PIEZO1: variants seen among roughly 807,000 people sequenced by gnomAD.
PIEZO1 encodes piezo type mechanosensitive ion channel component 1 (Er blood group).
A neutral mutation model predicts 297.2 loss-of-function variants in PIEZO1; 296 were observed. The ratio of observed to expected loss-of-function variants is 1.00; its 90% confidence interval spans 0.91 to 1.10. The LOEUF is 1.10. Among genes scored for constraint, PIEZO1 ranks in the 50% least tolerant of loss-of-function variants. The pLI, the probability that PIEZO1 is intolerant of heterozygous loss-of-function variation, is 0.00. For missense variants in PIEZO1, 5,018 were observed against 3,455.5 expected (o/e 1.45, Z -11.34); for synonymous variants, 2,427 against 1,507.5 (o/e 1.61, Z -14.13).
chr16:88,731,612 A>T, intron 22 of PIEZO1, 94 bp downstream of exon 22: 1 of 919,204 alleles, frequency 1.1e-6, no homozygotes, highest in Non-Finnish European at 1.7e-6. Flanking sequence ...TAAGTCTAGG[A>T]GGGTGGACAG....
In PIEZO1 at chr16:88,732,423, G is replaced by A. The variant is rs1415313255; in HGVS notation, c.2903C>T (p.Ala968Val). ...LAPLPAQAVF[A>V]SGTRQQLDQD... The stretch of plus-strand genomic sequence containing the variant: ...GTCCAGCTGCTGGCGGGTGCCGCTG[G>A]CAAACACGGCCTGGGCAGGCAGCGG... Residue 968 changes from alanine to valine, a missense_variant, in exon 21 of 51, where the codon GCC becomes GTC. Physicochemically the swap from Ala to Val is moderately conservative, Grantham distance 64. Coordinates refer to ENST00000301015, the MANE Select transcript of PIEZO1 (RefSeq NM_001142864.4). 6.5e-7 allele frequency: 1 copy of A among 1,549,756 alleles called. No homozygotes were observed. Among genetic ancestry groups the A allele is most frequent in the Non-Finnish European group, 8.7e-7 (1 of 1,146,548 alleles).
chr16:88,757,212 G>A (rs1198487747), intron 1 of PIEZO1, among the ~76,000 whole-genome samples: 3 of 151,964 alleles, frequency 2.0e-5, no homozygotes, highest in Admixed American at 6.6e-5. Context: ...CCTCGGAGCC[G>A]GGGGCTGGAA....
At chr16:88,717,700 A>G in intron 44 of PIEZO1, 1 of 438,594 alleles carries the variant, frequency 2.3e-6, no homozygotes, top group South Asian at 1.7e-5. Context: ...AAAATTTAAG[A>G]GACAGTCCAT....
intron 1 of PIEZO1, among the ~76,000 whole-genome samples, chr16:88,755,328 G>T (rs1217255478): frequency 6.6e-6 from 1 of 152,222 alleles, no homozygotes; most frequent in Non-Finnish European, 1.5e-5. Context: ...GCTGGTTGAT[G>T]CATCATCTTC....
At chr16:88,724,060 G>T in intron 30 of PIEZO1, 89 bp from the exon 31 acceptor site, 2 of 770,028 alleles carry the variant, frequency 2.6e-6, no homozygotes. Flanking sequence ...AGGCCCGAGA[G>T]CCACCCTTCC....
rs35917730 is a variant in PIEZO1 at position 88,716,447 on chromosome 16, G to T, written c.6963C>A (p.Asn2321Lys). The T allele has an allele frequency of 6.5e-7, 1 of 1,549,770 alleles. No homozygotes were observed. The highest frequency in any genetic ancestry group is 8.7e-7 in the Non-Finnish European group (1 of 1,146,684). ...LAKGGTVEYA[N>K]EKHMLALAPN... ...GGGCCAGGGCCAGCATGTGCTTCTC[G>T]TTGGCATACTCCACAGTGCCTCCCT... The change falls in exon 48 of 51, where the codon AAC (asparagine) becomes AAA (lysine). Residue 2321 changes from asparagine to lysine, a missense_variant. Asn to Lys is a moderately conservative substitution (Grantham distance 94, BLOSUM62 0). Transcript: ENST00000301015.
Position 88,716,233 on chromosome 16 carries a change from C to T in PIEZO1, c.7094G>A (p.Gly2365Glu), listed in dbSNP as rs1355713801. The change falls in exon 49 of 51, where the codon GGG becomes GAG. Residue 2365 changes from glycine to glutamate, a missense_variant. By Grantham distance (98) the Gly-to-Glu change is moderately conservative (BLOSUM62 -2). Transcript: ENST00000301015. ...CTGCTTCACAGGGTTGGCTTCGGGC[C>T]CGTTGGGGGCACGGATGTACTTGGG... ...LFPKYIRAPN[G>E]PEANPVKQLQ... 2.7e-6 allele frequency: 4 copies of T among 1,496,194 alleles called. No homozygotes were observed. Among genetic ancestry groups the T allele is most frequent in the Middle Eastern group, 1.8e-4 (1 of 5,686 alleles). 92.7% of individuals were successfully genotyped at this position (1,496,194 alleles called of 1,614,324 possible).
intron 1 of PIEZO1, among the ~76,000 whole-genome samples, chr16:88,761,706 C>G (rs1036655393): frequency 3.3e-5 from 5 of 152,146 alleles, no homozygotes; most frequent in Non-Finnish European, 7.4e-5. Context: ...ACATCGGGGC[C>G]TGGGTGGCCC....
At chr16:88,724,107 A>G (rs1904307267) in intron 30 of PIEZO1, 136 bp from the exon 31 acceptor site, 7 of 631,566 alleles carry the variant, frequency 1.1e-5, no homozygotes, top group Non-Finnish European at 2.0e-5. Context: ...GGCACAAGAC[A>G]CAGGCCAGCG....
At chr16:88,737,523 C>G (rs550030057) in intron 10 of PIEZO1, 36 bp downstream of exon 10, 7 of 1,438,202 alleles carry the variant, frequency 4.9e-6, no homozygotes, top group Admixed American at 2.0e-5. Flanking sequence ...CCCCGCCCCC[C>G]GCACCCAGCC....
rs1337532946 is a variant in PIEZO1 at position 88,716,494 on chromosome 16, G to A, written c.6927-11C>T. 8 of 1,543,952 alleles carry A rather than the reference G, an allele frequency of 5.2e-6. No homozygotes were observed. The highest frequency in any genetic ancestry group is 2.4e-5 in the East Asian group (1 of 40,850). On this transcript the variant is annotated splice_polypyrimidine_tract_variant and intron_variant, in intron 47 of 50. Coordinates refer to ENST00000301015, the MANE Select transcript of PIEZO1 (RefSeq NM_001142864.4). The stretch of plus-strand genomic sequence containing the variant: ...CCCTTCGCCAGGTCCCTGGGGGTGG[G>A]AACACAGCGTGACCCACTGTAGTGG...
chr16:88,720,493 G>A lies in PIEZO1; in HGVS notation c.5841C>T (p.His1947=), dbSNP rs376916937. 59 of 1,550,246 alleles carry A rather than the reference G, an allele frequency of 3.8e-5. No individual in the cohort carries two copies. Among genetic ancestry groups the A allele is most frequent in the African/African-American group, 1.1e-4 (8 of 73,040 alleles). Reference sequence around the variant, plus strand: ...CGCGGTACTTGGTGTGCAGGATGTCGTGGAAGAAGCGCCGTAGCGGCCGAT... The same window carrying A: ...CGCGGTACTTGGTGTGCAGGATGTCATGGAAGAAGCGCCGTAGCGGCCGAT... ...GTYRPLRRFF[H]DILHTKYRAA... is the part of the protein sequence containing the mutation. The change falls in exon 41 of 51, where the codon CAC becomes CAT. Residue 1947 remains histidine (H), a synonymous_variant. Transcript: ENST00000301015.
At position 88,721,709 on chromosome 16, in the gene PIEZO1, C is replaced by T; in HGVS notation, c.5232G>A (p.Lys1744=). 1.9e-6 allele frequency: 3 copies of T among 1,545,258 alleles called. No individual in the cohort carries two copies. The highest frequency in any genetic ancestry group is 2.6e-6 in the Non-Finnish European group (3 of 1,144,826). Residue 1744 remains lysine, a synonymous_variant, in exon 38 of 51, where the codon AAG becomes AAA. Coordinates refer to ENST00000301015, the MANE Select transcript of PIEZO1 (RefSeq NM_001142864.4). ...IVFTEIAVVV[K]YLFQFGFFPW... Reference sequence around the variant, plus strand: ...GGAAGAACCCAAACTGGAACAGGTACTTGACGACCACCGCGATCTGTGGGG... The same window carrying T: ...GGAAGAACCCAAACTGGAACAGGTATTTGACGACCACCGCGATCTGTGGGG...
At chr16:88,743,055 T>C (rs1431284493) in intron 2 of PIEZO1, 2 of 456,288 alleles carry the variant, frequency 4.4e-6, no homozygotes, top group Non-Finnish European at 8.8e-6. Flanking sequence ...CGGCATCCTC[T>C]CTCTCTCTGT....
In PIEZO1 at chr16:88,716,636, G is replaced by A. The variant is rs1264054211; in HGVS notation, c.6849C>T (p.Pro2283=). 1 of 1,549,588 alleles carries A rather than the reference G, an allele frequency of 6.5e-7. No homozygotes were observed. Among genetic ancestry groups the A allele is most frequent in the Non-Finnish European group, 8.7e-7 (1 of 1,146,850 alleles). The change falls in exon 47 of 51, where the codon CCC becomes CCT. Residue 2283 remains proline, a synonymous_variant. Coordinates refer to ENST00000301015, the MANE Select transcript of PIEZO1 (RefSeq NM_001142864.4). ...GCTCCCGCTTCATCTGGGCACGGCT[G>A]GGGGGACTGATGCGCCACAGCGCCC... ...SSGALWRISP[P]SRAQMKRELY...
intron 5 of PIEZO1, 25 bp from the exon 6 acceptor site, chr16:88,738,761 A>C: frequency 6.6e-7 from 1 of 1,519,284 alleles, no homozygotes; most frequent in Non-Finnish European, 8.8e-7. Flanking sequence ...GACAGGGGCA[A>C]GGTCAGGTGT....
At chr16:88,747,069 C>T (rs1906099958) in intron 2 of PIEZO1, among the ~76,000 whole-genome samples, 1 of 152,176 alleles carries the variant, frequency 6.6e-6, no homozygotes, top group African/African-American at 2.4e-5. Flanking sequence ...ACCCATGATC[C>T]AAGATCAGTG....
rs1024844470 is a variant in PIEZO1 at position 88,766,158 on chromosome 16, G to A, written c.65-16679C>T. ...GCCACGCTGCCCAGTTTAGTCAAAC[G>A]CCAATCGCAATTTGGTGTGCAGGTG... On this transcript the variant is annotated intron_variant, in intron 1 of 50. Transcript: ENST00000301015. 5.3e-5 allele frequency among the ~76,000 whole-genome samples: 8 copies of A among 152,296 alleles called. No individual in the cohort carries two copies. The East Asian group carries it at 7.7e-4, about 15-fold the overall frequency.
At position 88,723,208 on chromosome 16, in the gene PIEZO1, C is replaced by A. The variant is rs1459769252; in HGVS notation, c.4438+18G>T. 6.5e-7 allele frequency: 1 copy of A among 1,548,552 alleles called. No homozygotes were observed. Among genetic ancestry groups the A allele is most frequent in the East Asian group, 2.4e-5 (1 of 40,926 alleles). On this transcript the variant is annotated intron_variant, in intron 32 of 50. Transcript: ENST00000301015. ...GTCCCGCGGCTTCCCCTCAGAGTCC[C>A]CACGCCCCCCAGCTCACCTGTGGGT... is the stretch of plus-strand genomic sequence containing the variant.
Sources: gnomAD v4.1 joint callset for allele counts (sites outside exome capture counted in the v4.1 genomes callset) on GRCh38, gnomAD v4.1.1 for gene constraint, MANE v1.5 for transcripts, NCBI Gene and HGNC (gene_info 2026-07-23, HGNC 2026-07-21) for gene names.